ASB6: variants seen among roughly 807,000 people sequenced by gnomAD.
ASB6 encodes the protein ankyrin repeat and SOCS box protein 6.
A neutral mutation model predicts 28.6 loss-of-function variants in ASB6; 24 were observed. That is an observed-to-expected ratio of 0.84 (90% CI 0.61 to 1.18). The LOEUF (loss-of-function observed/expected upper bound fraction) is 1.18. ASB6 is among the 50% of genes most tolerant of loss of function. ASB6 has a pLI of 0.00. For missense variants in ASB6, 519 were observed against 559.8 expected (o/e 0.93, Z 0.74); for synonymous variants, 267 against 243.4 (o/e 1.10, Z -0.90).
Position 129,640,614 on chromosome 9 carries a change from G to A in ASB6, c.222C>T (p.Leu74=), listed in dbSNP as rs749551885. 2.5e-6 allele frequency: 4 copies of A among 1,613,902 alleles called. No homozygotes were observed. Among genetic ancestry groups the A allele is most frequent in the Non-Finnish European group, 3.4e-6 (4 of 1,180,006 alleles). Residue 74 remains leucine (L), a synonymous_variant, in exon 2 of 6, where the codon CTC becomes CTT. Coordinates refer to ENST00000277458, the MANE Select transcript of ASB6 (RefSeq NM_017873.4). ...FYQEGVSNAL[L]KMAELGLTRA... ...GCGTCAGCCCCAGCTCAGCCATCTTGAGCAGGGCGTTGCTCACGCCTTCCT... is the reference window on the plus strand; with the variant it reads ...GCGTCAGCCCCAGCTCAGCCATCTTAAGCAGGGCGTTGCTCACGCCTTCCT...
At chr9:129,641,438 G>C (rs553412925) in intron 1 of ASB6, among the ~76,000 whole-genome samples, 3 of 152,310 alleles carry the variant, frequency 2.0e-5, no homozygotes, top group Admixed American at 6.5e-5. Flanking sequence ...AGTACCATGG[G>C]CAGTGAATGC....
rs1831503775 is a variant in ASB6, at chr9:129,635,562, C to T, written c.*2228G>A. 20 of 1,372,506 alleles carry T rather than the reference C, an allele frequency of 1.5e-5. No homozygotes were observed. The highest frequency in any genetic ancestry group is 8.6e-5 in the African/African-American group (6 of 69,562). The allele number at this position is 1,372,506 out of a possible 1,614,324, so 85.0% of individuals were successfully genotyped here. A position where few individuals can be genotyped will look rare whatever the true frequency, so the allele number is the denominator to read the frequency against. ...CGCCACGCTGGCGGTTCGTGAGTGT[C>T]GAGGCACCACTAAATATAGCTGTCT... On this transcript the variant is annotated 3_prime_UTR_variant, in exon 6 of 6. Coordinates refer to ENST00000277458, the MANE Select transcript of ASB6 (RefSeq NM_017873.4).
At chr9:129,640,163 G>C (rs895198545) in intron 2 of ASB6, among the ~76,000 whole-genome samples, 3 of 150,994 alleles carry the variant, frequency 2.0e-5, no homozygotes, top group Non-Finnish European at 4.4e-5. Context: ...CCTACGGCAT[G>C]AGAAAAAAAA....
chr9:129,641,238 C>G (rs766780382), intron 1 of ASB6: 1 of 158,966 alleles, frequency 6.3e-6, no homozygotes, highest in African/African-American at 2.4e-5. Flanking sequence ...GATGGCGAGA[C>G]TCATCATTAC....
At chr9:129,638,536 G>C in intron 5 of ASB6, 37 bp downstream of exon 5, 1 of 1,612,128 alleles carries the variant, frequency 6.2e-7, no homozygotes, top group Non-Finnish European at 8.5e-7. Context: ...CGAAGGGGCG[G>C]GTGAGAGGAC....
intron 2 of ASB6, 133 bp from the exon 3 acceptor site, chr9:129,639,641 G>C: frequency 1.3e-6 from 1 of 784,446 alleles, no homozygotes; most frequent in Non-Finnish European, 2.0e-6. Context: ...TCACCATCAA[G>C]GGTTAGGACA....
At position 129,642,113 on chromosome 9, in the gene ASB6, C is replaced by T. The variant is rs1328588083; in HGVS notation, c.-114G>A. 19 of 1,351,408 alleles carry T rather than the reference C, an allele frequency of 1.4e-5. No individual in the cohort carries two copies. Among genetic ancestry groups the T allele is most frequent in the Middle Eastern group, 2.7e-4 (1 of 3,652 alleles). The allele number at this position is 1,351,408 out of a possible 1,614,324, so 83.7% of individuals were successfully genotyped here. ...ACCCCACCTGCTCCGCCAGTCCAGC[C>T]CCTGCGCCCGGCCGGGTCCGCTCCT... On this transcript the variant is annotated 5_prime_UTR_variant, in exon 1 of 6. Transcript: ENST00000277458. This position sits in a 1 kb window ranked among gnomAD's most constrained non-coding sequence, Gnocchi z 4.3.
Position 129,637,866 on chromosome 9 carries a change from T to C in ASB6, c.1190A>G (p.Lys397Arg). 6.5e-7 allele frequency: 1 copy of C among 1,545,708 alleles called. No individual in the cohort carries two copies. The highest frequency in any genetic ancestry group is 8.7e-7 in the Non-Finnish European group (1 of 1,147,022). The change falls in exon 6 of 6, where the codon AAA becomes AGA. Residue 397 changes from lysine to arginine, a missense_variant. Lys to Arg is a conservative substitution (Grantham distance 26). Transcript: ENST00000277458. ...CAGCCTGTCGGGCAGAGGCAGGGCT[T>C]TGACCTTCACATCCACAGGCCACGG... ...LQPWPVDVKV[K>R]ALPLPDRLKW... is the part of the protein sequence containing the mutation.
In ASB6 at chr9:129,637,732, T is replaced by A; in HGVS notation, c.*58A>T. 2 of 1,433,572 alleles carry A rather than the reference T, an allele frequency of 1.4e-6. No individual in the cohort carries two copies. Among genetic ancestry groups the A allele is most frequent in the Non-Finnish European group, 1.9e-6 (2 of 1,071,306 alleles). The allele number at this position is 1,433,572 out of a possible 1,614,324, so 88.8% of individuals were successfully genotyped here. A position where few individuals can be genotyped will look rare whatever the true frequency, so the allele number is the denominator to read the frequency against. ...ACCCTCTTCTAATGCTGTCCCAGCA[T>A]CTACCAACAGGCTGACCTGAGCTGC... On this transcript the variant is annotated 3_prime_UTR_variant, in exon 6 of 6. Transcript: ENST00000277458.
chr9:129,636,888 C>T lies in ASB6; in HGVS notation c.*902G>A, dbSNP rs1167007371. Reference sequence around the variant, plus strand: ...CGGGGTGGAAATTTTATATAAGGACCTTGTTAAGGCCAAGAAAGTCAGTTT... The same window carrying T: ...CGGGGTGGAAATTTTATATAAGGACTTTGTTAAGGCCAAGAAAGTCAGTTT... On this transcript the variant is annotated 3_prime_UTR_variant, in exon 6 of 6. Coordinates refer to ENST00000277458, the MANE Select transcript of ASB6 (RefSeq NM_017873.4). 1.3e-5 allele frequency: 2 copies of T among 152,064 alleles called. No individual in the cohort carries two copies. Among genetic ancestry groups the T allele is most frequent in the African/African-American group, 4.8e-5 (2 of 41,376 alleles). 9.4% of individuals were successfully genotyped at this position (152,064 alleles called of 1,614,324 possible).
At chr9:129,641,179 C>A in intron 1 of ASB6, 1 of 172,602 alleles carries the variant, frequency 5.8e-6, no homozygotes, top group Non-Finnish European at 1.2e-5. Context: ...ACATTGAGAC[C>A]TTCAGCTGAT....
chr9:129,638,764 G>C, intron 4 of ASB6, 105 bp from the exon 5 acceptor site: 2 of 912,842 alleles, frequency 2.2e-6, no homozygotes, highest in South Asian at 1.4e-5. Context: ...ATCAGAAGAT[G>C]AACTTTCAGA....
chr9:129,640,902 A>G (rs1831680773), intron 1 of ASB6, among the ~76,000 whole-genome samples, 180 bp from the exon 2 acceptor site: 2 of 152,164 alleles, frequency 1.3e-5, no homozygotes. Context: ...ATCTCTTAAT[A>G]CGGGAGCAGA....
At position 129,636,958 on chromosome 9, in the gene ASB6, C is replaced by G. The variant is rs1831571400; in HGVS notation, c.*832G>C. 1 of 152,164 alleles carries G rather than the reference C, an allele frequency of 6.6e-6. No individual in the cohort carries two copies. Among genetic ancestry groups the G allele is most frequent in the Non-Finnish European group, 1.5e-5 (1 of 68,046 alleles). 9.4% of individuals were successfully genotyped at this position (152,164 alleles called of 1,614,324 possible). On this transcript the variant is annotated 3_prime_UTR_variant, in exon 6 of 6. Coordinates refer to ENST00000277458, the MANE Select transcript of ASB6 (RefSeq NM_017873.4). Reference sequence around the variant, plus strand: ...ATCATTTAGTCACCTCAGCTTATCCCCAGAGGTGTTTACACAATTCCCAAT... The same window carrying G: ...ATCATTTAGTCACCTCAGCTTATCCGCAGAGGTGTTTACACAATTCCCAAT...
chr9:129,639,223 C>T lies in ASB6; in HGVS notation c.490G>A (p.Val164Ile). ...CCACCATGCTTGTCAGCGGCATTGA[C>T]ATCAGCTCCAAGGTCCAGGAGGCGC... The part of the protein sequence containing the change: ...LQRLLDLGAD[V>I]NAADKHGKTA... Residue 164 changes from valine (V) to isoleucine (I), a missense_variant, in exon 4 of 6, where the codon GTC (valine) becomes ATC (isoleucine). Physicochemically the swap from Val to Ile is conservative, Grantham distance 29. Coordinates refer to ENST00000277458, the MANE Select transcript of ASB6 (RefSeq NM_017873.4). 1 of 1,610,332 alleles carries T rather than the reference C, an allele frequency of 6.2e-7. No individual in the cohort carries two copies.
chr9:129,635,186 A>G lies in ASB6; in HGVS notation c.*2604T>C. 2 of 1,596,972 alleles carry G rather than the reference A, an allele frequency of 1.3e-6. No homozygotes were observed. The highest frequency in any genetic ancestry group is 1.7e-4 in the Middle Eastern group (1 of 5,978). ...CATCCGCTTGCATGGTGCCCTGGTA[A>G]CCTTGCCTCTGCCCTCCCCAGGCCA... On this transcript the variant is annotated 3_prime_UTR_variant, in exon 6 of 6. Transcript: ENST00000277458.
intron 1 of ASB6, chr9:129,641,346 A>G (rs1831693301): frequency 6.5e-6 from 1 of 154,376 alleles, no homozygotes; most frequent in African/African-American, 2.4e-5. Context: ...CCGCCGTACA[A>G]TTACTTGTCA....
rs796232736 is a variant in ASB6, at chr9:129,634,759, C to T, written c.*3031G>A. ...AGCAGCAGTCGGCCACCTCCTGAGG[C>T]GGGCAGCACAGGCCTGCTGTGGACA... On this transcript the variant is annotated 3_prime_UTR_variant, in exon 6 of 6. Transcript: ENST00000277458. 1.8e-5 allele frequency: 4 copies of T among 219,726 alleles called. No homozygotes were observed. Among genetic ancestry groups the T allele is most frequent in the Admixed American group, 1.1e-4 (2 of 18,766 alleles). The allele number at this position is 219,726 out of a possible 1,614,324, so 13.6% of individuals were successfully genotyped here.
At chr9:129,641,844 G>A (rs1238328261) in intron 1 of ASB6, 43 bp downstream of exon 1, 4 of 1,538,384 alleles carry the variant, frequency 2.6e-6, no homozygotes, top group South Asian at 2.4e-5. Context: ...GACGCTGCGG[G>A]GTCGGAGCGG....
Sources: gnomAD v4.1 joint callset for allele counts (sites outside exome capture counted in the v4.1 genomes callset) on GRCh38, gnomAD v4.1.1 for gene constraint, Gnocchi (gnomAD v3.1) non-coding constraint, MANE v1.5 for transcripts, NCBI Gene and HGNC (gene_info 2026-07-23, HGNC 2026-07-21) for gene names.